The following AUP1 variants were observed in gnomAD, a reference collection of about 807,000 sequenced individuals.
AUP1 encodes the protein AUP1 lipid droplet regulating VLDL assembly factor.
Under a neutral mutation model 51.8 loss-of-function variants are expected in AUP1, and 30 were observed. The observed-to-expected ratio is 0.58, with a 90% CI of 0.43 to 0.79. AUP1 has a LOEUF of 0.79. Ranked by LOEUF, AUP1 falls within the 30% of genes least tolerant of loss-of-function variation. The probability of loss-of-function intolerance (pLI) is 0.00; values close to 1 mark genes in which losing one functional copy is unlikely to be tolerated. For synonymous variants in AUP1, 227 were observed against 209.0 expected (o/e 1.09, Z -0.74); for missense variants, 492 against 517.1 (o/e 0.95, Z 0.47).
At chr2:74,527,640 TAGA>T (rs1302823095) in intron 8 of AUP1, 50 bp from the exon 9 acceptor site, 2 of 1,588,542 alleles carry the variant, frequency 1.3e-6, no homozygotes, top group Non-Finnish European at 8.5e-7. Flanking sequence ...AGTAGAGAAC[TAGA>T]AGGAGAGGCT....
At chr2:74,529,008 T>C in intron 3 of AUP1, 73 bp from the exon 4 acceptor site, 1 of 1,601,694 alleles carries the variant, frequency 6.2e-7, no homozygotes, top group Non-Finnish European at 8.5e-7. Context: ...ACATGTTGGG[T>C]AGAGGATCGG....
At position 74,527,302 on chromosome 2, in the gene AUP1, C is replaced by A; in HGVS notation, c.1023G>T (p.Met341Ile). The A allele has an allele frequency of 2.5e-6, 4 of 1,614,136 alleles. No homozygotes were observed. The highest frequency in any genetic ancestry group is 3.4e-6 in the Non-Finnish European group (4 of 1,180,020). ...GAGTTCCCTTGGTGATGTCTTCAGGCATGAAAGCTACGGCCCCCTCAAGCA... is the reference window on the plus strand; with the variant it reads ...GAGTTCCCTTGGTGATGTCTTCAGGAATGAAAGCTACGGCCCCCTCAAGCA... ...TNLLEGAVAF[M>I]PEDITKGTQS... The change falls in exon 10 of 12, where the codon ATG (methionine) becomes ATT (isoleucine). Residue 341 changes from methionine to isoleucine, a missense_variant. Transcript: ENST00000377526.
In AUP1 at chr2:74,528,853, G is replaced by T. The variant is rs569051828; in HGVS notation, c.422C>A (p.Ser141Ter). 2 of 1,614,124 alleles carry T rather than the reference G, an allele frequency of 1.2e-6. No homozygotes were observed. The highest frequency in any genetic ancestry group is 1.7e-6 in the Non-Finnish European group (2 of 1,180,022). The change falls in exon 4 of 12, where the codon TCA (serine) becomes TAA (stop). Residue 141 changes from serine (S) to a stop codon, truncating the protein, a stop_gained. Coordinates refer to ENST00000377526, the MANE Select transcript of AUP1 (RefSeq NM_181575.5). LOFTEE classifies it high-confidence loss of function. ...EMNGRGELVE[S>*]LKRFCASTRL... is the part of the protein sequence containing the mutation. Reference sequence around the variant, plus strand: ...CGTGGAAGCACAGAATCTCTTGAGTGACTCCACCAACTCCCCCCGCCCATT... The same window carrying T: ...CGTGGAAGCACAGAATCTCTTGAGTTACTCCACCAACTCCCCCCGCCCATT...
At position 74,529,116 on chromosome 2, in the gene AUP1, C is replaced by T; in HGVS notation, c.339+16G>A. The T allele has an allele frequency of 6.2e-7, 1 of 1,614,202 alleles. No homozygotes were observed. Among genetic ancestry groups the T allele is most frequent in the South Asian group, 1.1e-5 (1 of 91,082 alleles). On this transcript the variant is annotated intron_variant, in intron 3 of 11. Coordinates refer to ENST00000377526, the MANE Select transcript of AUP1 (RefSeq NM_181575.5). ...GGGAACCGCCCCGTGGCGCTCTCGG[C>T]CTCGCTCTCACTCACGGTGCTACAG...
In AUP1 at chr2:74,527,594, T is replaced by C. The variant is rs767982197; in HGVS notation, c.842-4A>G. The C allele has an allele frequency of 2.0e-5, 32 of 1,585,662 alleles. No individual in the cohort carries two copies. In the East Asian group the frequency reaches 6.7e-4, roughly 33 times the overall value. ...GAGGGAGGGAAAGAAGACTGGGCTG[T>C]GGAAAAAGGAAAAAAAGAAAAAAGA... On this transcript the variant is annotated splice_region_variant and splice_polypyrimidine_tract_variant and intron_variant, in intron 8 of 11. Coordinates refer to ENST00000377526, the MANE Select transcript of AUP1 (RefSeq NM_181575.5).
Position 74,528,829 on chromosome 2 carries a change from G to T in AUP1, c.446C>A (p.Thr149Lys). The T allele has an allele frequency of 6.2e-7, 1 of 1,614,106 alleles. No homozygotes were observed. Among genetic ancestry groups the T allele is most frequent in the Non-Finnish European group, 8.5e-7 (1 of 1,179,994 alleles). ...VESLKRFCAS[T>K]RLPPTPLLLF... ...CAGCAGAGGAGTGGGGGGAAGCCTC[G>T]TGGAAGCACAGAATCTCTTGAGTGA... Residue 149 changes from threonine to lysine, a missense_variant, in exon 4 of 12, where the codon ACG becomes AAG. Transcript: ENST00000377526.
Position 74,526,732 on chromosome 2 carries a change from G to A in AUP1, c.*68C>T. 6.7e-7 allele frequency: 1 copy of A among 1,489,940 alleles called. No homozygotes were observed. The highest frequency in any genetic ancestry group is 9.0e-7 in the Non-Finnish European group (1 of 1,112,432). 92.3% of individuals were successfully genotyped at this position (1,489,940 alleles called of 1,614,324 possible). A position where few individuals can be genotyped will look rare whatever the true frequency, so the allele number is the denominator to read the frequency against. On this transcript the variant is annotated 3_prime_UTR_variant, in exon 12 of 12. Coordinates refer to ENST00000377526, the MANE Select transcript of AUP1 (RefSeq NM_181575.5). ...TTACCACCCACCCATCCAGCCTGTT[G>A]TGAGTTGGGTGAGGGCTGCCCCCAG...
chr2:74,526,761 C>A lies in AUP1; in HGVS notation c.*39G>T, dbSNP rs747116631. On this transcript the variant is annotated 3_prime_UTR_variant, in exon 12 of 12. Transcript: ENST00000377526. The stretch of plus-strand genomic sequence containing the variant: ...GTTGGGTGAGGGCTGCCCCCAGTCT[C>A]CGTCCTGCGGCTCTGGGTGCCATCC... 6.6e-7 allele frequency: 1 copy of A among 1,516,910 alleles called. No individual in the cohort carries two copies. The highest frequency in any genetic ancestry group is 2.2e-5 in the Admixed American group (1 of 44,696). The allele number at this position is 1,516,910 out of a possible 1,614,324, so 94.0% of individuals were successfully genotyped here.
In AUP1 at chr2:74,528,767, C is replaced by T; in HGVS notation, c.508G>A (p.Gly170Arg). ...TAAACCCACCTGAAGCGCAGGAGCC[C>T]CTCCCGGCCATTGGTGGCCTCTTCC... ...PEEEATNGRE[G>R]LLRFSSWPFS... is the part of the protein sequence containing the mutation. The change falls in exon 4 of 12, where the codon GGG becomes AGG. Residue 170 changes from glycine to arginine, a missense_variant. Transcript: ENST00000377526. The T allele has an allele frequency of 6.2e-7, 1 of 1,604,908 alleles. No homozygotes were observed. The highest frequency in any genetic ancestry group is 8.5e-7 in the Non-Finnish European group (1 of 1,175,356).
Position 74,526,962 on chromosome 2 carries a change from G to A in AUP1, c.1175C>T (p.Ala392Val). 6.2e-7 allele frequency: 1 copy of A among 1,614,130 alleles called. No homozygotes were observed. The highest frequency in any genetic ancestry group is 8.5e-7 in the Non-Finnish European group (1 of 1,180,044). Residue 392 changes from alanine to valine, a missense_variant, in exon 11 of 12, where the codon GCA becomes GTA. Coordinates refer to ENST00000377526, the MANE Select transcript of AUP1 (RefSeq NM_181575.5). ...TCACCTTCTTGCGTATTCATATAGT[G>A]CTTGCTTGCGCTCCTGCAGGCTCTC... ...RQESLQERKQ[A>V]LYEYARRRFT...
In AUP1 at chr2:74,529,493, C is replaced by A; in HGVS notation, c.57G>T (p.Pro19=). 6.4e-7 allele frequency: 1 copy of A among 1,552,762 alleles called. No homozygotes were observed. The change falls in exon 2 of 12, where the codon CCG becomes CCT. Residue 19 remains proline (P), a synonymous_variant. Transcript: ENST00000377526. ...PERLFDSHRL[P]GDCFLLLVLL... is the part of the protein sequence containing the mutation. ...GCACGAGCAGTAGGAAGCAGTCACC[C>A]GGAAGCCTGGGGGCGAGAGGCGAAG...
At chr2:74,527,144 T>TG in intron 10 of AUP1, 85 bp from the exon 11 acceptor site, 1 of 1,608,844 alleles carries the variant, frequency 6.2e-7, no homozygotes. Flanking sequence ...AGAGGCACTA[T>TG]GCTAGGGTCT....
At position 74,527,040 on chromosome 2, in the gene AUP1, A is replaced by T. The variant is rs1412217284; in HGVS notation, c.1097T>A (p.Val366Glu). 1.2e-6 allele frequency: 2 copies of T among 1,614,072 alleles called. No individual in the cohort carries two copies. The highest frequency in any genetic ancestry group is 1.7e-6 in the Non-Finnish European group (2 of 1,180,038). ...TGTTAGGGCTGTTGGCTGAGGGGTC[A>T]CCGGGCCAGAGCTGGGAAACTGAGG... ...SASKFPSSGP[V>E]TPQPTALTFA... Residue 366 changes from valine (V) to glutamate (E), a missense_variant, in exon 11 of 12, where the codon GTG becomes GAG. By Grantham distance (121) the Val-to-Glu change is moderately radical. Coordinates refer to ENST00000377526, the MANE Select transcript of AUP1 (RefSeq NM_181575.5).
At chr2:74,526,898 T>G in intron 11 of AUP1, 43 bp downstream of exon 11, 17 of 1,608,280 alleles carry the variant, frequency 1.1e-5, no homozygotes, top group Non-Finnish European at 1.4e-5. Flanking sequence ...AATTCCATTC[T>G]CCAATTTGCC....
rs1438707787 is a variant in AUP1, at chr2:74,529,492, C to T, written c.58G>A (p.Gly20Ser). The T allele has an allele frequency of 9.0e-6, 14 of 1,552,938 alleles. No homozygotes were observed. The Admixed American group carries it at 2.1e-4, about 24-fold the overall frequency. ...ERLFDSHRLPGDCFLLLVLLL... is the reference protein window; with the variant it reads ...ERLFDSHRLPSDCFLLLVLLL... Reference sequence around the variant, plus strand: ...AGCACGAGCAGTAGGAAGCAGTCACCCGGAAGCCTGGGGGCGAGAGGCGAA... The same window carrying T: ...AGCACGAGCAGTAGGAAGCAGTCACTCGGAAGCCTGGGGGCGAGAGGCGAA... Residue 20 changes from glycine (G) to serine (S), a missense_variant, in exon 2 of 12, where the codon GGT becomes AGT. Gly to Ser is a moderately conservative substitution (Grantham distance 56, BLOSUM62 0). Coordinates refer to ENST00000377526, the MANE Select transcript of AUP1 (RefSeq NM_181575.5).
chr2:74,528,657 T>TG (rs1469376950), intron 4 of AUP1, 94 bp downstream of exon 4: 33 of 1,452,358 alleles, frequency 2.3e-5, no homozygotes, highest in Non-Finnish European at 3.1e-5. Flanking sequence ...CTGGAGATGA[T>TG]GGGGTCTAAG....
rs989361947 is a variant in AUP1, at chr2:74,529,122, T to C, written c.339+10A>G. On this transcript the variant is annotated intron_variant, in intron 3 of 11. Coordinates refer to ENST00000377526, the MANE Select transcript of AUP1 (RefSeq NM_181575.5). ...CGCCCCGTGGCGCTCTCGGCCTCGC[T>C]CTCACTCACGGTGCTACAGGTGGTA... 6.2e-7 allele frequency: 1 copy of C among 1,614,082 alleles called. No individual in the cohort carries two copies. Among genetic ancestry groups the C allele is most frequent in the Non-Finnish European group, 8.5e-7 (1 of 1,180,038 alleles).
In AUP1 at chr2:74,527,286, T is replaced by G. The variant is rs1430260766; in HGVS notation, c.1039A>C (p.Lys347Gln). Reference sequence around the variant, plus strand: ...GCTGTGGGTAGGGACTGAGTTCCCTTGGTGATGTCTTCAGGCATGAAAGCT... The same window carrying G: ...GCTGTGGGTAGGGACTGAGTTCCCTGGGTGATGTCTTCAGGCATGAAAGCT... ...AVAFMPEDIT[K>Q]GTQSLPTASA... The change falls in exon 10 of 12, where the codon AAG becomes CAG. Residue 347 changes from lysine (K) to glutamine (Q), a missense_variant. Coordinates refer to ENST00000377526, the MANE Select transcript of AUP1 (RefSeq NM_181575.5). 6.2e-7 allele frequency: 1 copy of G among 1,613,884 alleles called. No homozygotes were observed. Among genetic ancestry groups the G allele is most frequent in the African/African-American group, 1.3e-5 (1 of 74,900 alleles).
intron 2 of AUP1, 27 bp from the exon 3 acceptor site, chr2:74,529,309 G>C (rs758493924): frequency 6.2e-7 from 1 of 1,614,026 alleles, no homozygotes; most frequent in Non-Finnish European, 8.5e-7. Flanking sequence ...TGGTGACTGT[G>C]TGGCCTCGGG....
Sources: allele counts gnomAD v4.1 joint callset, GRCh38; gene constraint gnomAD v4.1.1; transcripts MANE v1.5; gene names NCBI Gene and HGNC (gene_info 2026-07-23, HGNC 2026-07-21).